XPR1: variants seen among roughly 807,000 people sequenced by gnomAD.
The protein encoded by XPR1 is solute carrier family 53 member 1.
A neutral mutation model predicts 87.5 loss-of-function variants in XPR1; 28 were observed. The observed-to-expected ratio is 0.32, with a 90% CI of 0.24 to 0.44. XPR1 has a LOEUF of 0.44. Among genes scored for constraint, XPR1 ranks in the 20% least tolerant of loss-of-function variants. XPR1 has a pLI of 1.00. For synonymous variants in XPR1, 300 were observed against 306.1 expected (o/e 0.98, Z 0.21); for missense variants, 559 against 862.3 (o/e 0.65, Z 4.41).
chr1:180,740,555 A>C (rs1393580752), intron 2 of XPR1, among the ~76,000 whole-genome samples: 4 of 152,094 alleles, frequency 2.6e-5, no homozygotes, highest in African/African-American at 9.7e-5. Flanking sequence ...TGTTGGATTC[A>C]GTTACCTAAT....
intron 13 of XPR1, 119 bp downstream of exon 13, chr1:180,874,061 T>C: frequency 1.7e-6 from 2 of 1,210,856 alleles, no homozygotes; most frequent in Non-Finnish European, 2.2e-6. Flanking sequence ...CCAACTTTTC[T>C]CAAATTTCTC....
At chr1:180,738,594 A>G (rs750723651) in intron 2 of XPR1, among the ~76,000 whole-genome samples, 1 of 152,190 alleles carries the variant, frequency 6.6e-6, no homozygotes, top group East Asian at 1.9e-4. Flanking sequence ...AACCATCACA[A>G]TCTTAAGGTT....
intron 7 of XPR1, among the ~76,000 whole-genome samples, chr1:180,819,447 A>G (rs1650532167): frequency 6.6e-6 from 1 of 152,162 alleles, no homozygotes; most frequent in Admixed American, 6.5e-5. Flanking sequence ...GATCATATTT[A>G]CTGAAAGCCT....
At position 180,777,880 on chromosome 1, in the gene XPR1, G is replaced by T. The variant is rs898324247; in HGVS notation, c.122-9873G>T. On this transcript the variant is annotated intron_variant, in intron 2 of 14. Coordinates refer to ENST00000367590, the MANE Select transcript of XPR1 (RefSeq NM_004736.4). Reference sequence around the variant, plus strand: ...ACTAAGAAATCATAGAAACTATTGTGTAGGGAATATAATTAAAATGCAAAG... The same window carrying T: ...ACTAAGAAATCATAGAAACTATTGTTTAGGGAATATAATTAAAATGCAAAG... Among the ~76,000 whole-genome samples, 12 of 152,310 alleles carry T rather than the reference G, an allele frequency of 7.9e-5. 1 individual carries two copies. The highest frequency in any genetic ancestry group is 2.1e-4 in the South Asian group (1 of 4,822).
At chr1:180,641,312 G>A (rs1654954581) in intron 1 of XPR1, among the ~76,000 whole-genome samples, 1 of 152,194 alleles carries the variant, frequency 6.6e-6, no homozygotes, top group South Asian at 2.1e-4. Flanking sequence ...CTTCTGCAGA[G>A]CTCAACAATA....
chr1:180,781,004 CCAT>C (rs901032060), intron 2 of XPR1, among the ~76,000 whole-genome samples: 4 of 151,770 alleles, frequency 2.6e-5, no homozygotes, highest in Non-Finnish European at 4.4e-5. Context: ...AACCATTGCC[CCAT>C]CTGAGGTCAG....
At chr1:180,681,585 G>T (rs1656580033) in intron 1 of XPR1, among the ~76,000 whole-genome samples, 1 of 152,214 alleles carries the variant, frequency 6.6e-6, no homozygotes, top group African/African-American at 2.4e-5. Flanking sequence ...GGCAGAGCTT[G>T]CAGTGAGCTG....
intron 1 of XPR1, among the ~76,000 whole-genome samples, chr1:180,680,331 A>G (rs1249949682): frequency 6.8e-6 from 1 of 146,172 alleles, no homozygotes; most frequent in Non-Finnish European, 1.5e-5. Context: ...CAGTATGGAG[A>G]TTCCTCAAAT....
At chr1:180,858,881 G>C (rs1652126399) in intron 11 of XPR1, among the ~76,000 whole-genome samples, 1 of 152,018 alleles carries the variant, frequency 6.6e-6, no homozygotes, top group South Asian at 2.1e-4. Flanking sequence ...ATCTATATTT[G>C]TTCATTTTTT....
chr1:180,851,924 T>C (rs187962880), intron 11 of XPR1, among the ~76,000 whole-genome samples: 208 of 152,000 alleles, frequency 1.4e-3, no homozygotes, highest in African/African-American at 4.3e-3. Context: ...ATTACTTTCT[T>C]GATTACATCA....
At chr1:180,853,194 C>G (rs1281769695) in intron 11 of XPR1, among the ~76,000 whole-genome samples, 2 of 152,192 alleles carry the variant, frequency 1.3e-5, no homozygotes, top group Admixed American at 6.5e-5. Context: ...TCCCAAATTA[C>G]TGGGATTATA....
chr1:180,667,715 T>C (rs1473235438), intron 1 of XPR1, among the ~76,000 whole-genome samples: 3 of 152,180 alleles, frequency 2.0e-5, no homozygotes, highest in South Asian at 2.1e-4. Flanking sequence ...CAAAGAGCCA[T>C]GAGGTCCAGG....
intron 2 of XPR1, among the ~76,000 whole-genome samples, chr1:180,728,671 G>T (rs1020990083): frequency 6.6e-6 from 1 of 152,174 alleles, no homozygotes; most frequent in Admixed American, 6.5e-5. Flanking sequence ...TATTTTACAG[G>T]TGAGGTAATG....
At chr1:180,851,124 C>T (rs906232271) in intron 11 of XPR1, among the ~76,000 whole-genome samples, 3 of 151,938 alleles carry the variant, frequency 2.0e-5, no homozygotes, top group Non-Finnish European at 2.9e-5. Flanking sequence ...GGTTATAGAA[C>T]AAAAGGAGTG....
At chr1:180,805,363 A>G (rs1195719007) in intron 4 of XPR1, among the ~76,000 whole-genome samples, 3 of 152,232 alleles carry the variant, frequency 2.0e-5, no homozygotes, top group African/African-American at 7.2e-5. Flanking sequence ...CATGCTGGGC[A>G]AAGAACAACA....
At chr1:180,810,725 A>G (rs1055165989) in intron 6 of XPR1, among the ~76,000 whole-genome samples, 5 of 151,976 alleles carry the variant, frequency 3.3e-5, no homozygotes, top group African/African-American at 9.7e-5. Context: ...TTACAATTTC[A>G]TTGTAAAAAT....
intron 12 of XPR1, among the ~76,000 whole-genome samples, chr1:180,873,298 C>T (rs779588064): frequency 7.9e-5 from 12 of 152,182 alleles, no homozygotes; most frequent in African/African-American, 1.2e-4. Context: ...AATTCAACCA[C>T]GGTTGTGAAA....
At chr1:180,649,163 C>G (rs1167988268) in intron 1 of XPR1, among the ~76,000 whole-genome samples, 1 of 151,968 alleles carries the variant, frequency 6.6e-6, no homozygotes, top group Non-Finnish European at 1.5e-5. Flanking sequence ...CAGTGGCTCA[C>G]GCCTGTAATC....
At chr1:180,846,957 C>G (rs1380877634) in intron 11 of XPR1, among the ~76,000 whole-genome samples, 1 of 151,934 alleles carries the variant, frequency 6.6e-6, no homozygotes, top group Non-Finnish European at 1.5e-5. Context: ...TTGTTCCTCT[C>G]CTGTGGGCTC....
Sources: gnomAD v4.1 joint callset for allele counts (sites outside exome capture counted in the v4.1 genomes callset) on GRCh38, gnomAD v4.1.1 for gene constraint, MANE v1.5 for transcripts, NCBI Gene and HGNC (gene_info 2026-07-23, HGNC 2026-07-21) for gene names.